Variants in AP2B1 observed in about 807,000 individuals in gnomAD.
The protein encoded by AP2B1 is adaptor related protein complex 2 subunit beta 1.
In AP2B1, 23 loss-of-function variants were observed where a neutral mutation model predicts 102.0. The ratio of observed to expected loss-of-function variants is 0.23; its 90% confidence interval spans 0.16 to 0.32. The LOEUF (loss-of-function observed/expected upper bound fraction) is 0.32, where lower values mean the gene tolerates loss of function less well. Among genes scored for constraint, AP2B1 ranks in the 10% least tolerant of loss-of-function variants. The pLI is 1.00. For synonymous variants in AP2B1, 381 were observed against 421.2 expected, an observed-to-expected ratio of 0.90 and a Z score of 1.17; for missense variants, 541 against 1,157.4, an observed-to-expected ratio of 0.47 and a Z score of 7.73.
chr17:35,680,716 TC>T (rs2075806167), intron 17 of AP2B1, among the ~76,000 whole-genome samples: 3 of 149,484 alleles, frequency 2.0e-5, no homozygotes, highest in African/African-American at 5.0e-5. Flanking sequence ...TTTTTTTTTT[TC>T]AGACAGTCTT....
chr17:35,630,710 A>G (rs1161759147), intron 9 of AP2B1, among the ~76,000 whole-genome samples: 1 of 152,186 alleles, frequency 6.6e-6, no homozygotes, highest in Non-Finnish European at 1.5e-5. Context: ...GGTTCTCCAT[A>G]ATCTTCTGGA....
At chr17:35,720,567 ATATATATTTTTTTTTTTT>A (rs1442893623) in intron 21 of AP2B1, among the ~76,000 whole-genome samples, 1 of 52,344 alleles carries the variant, frequency 1.9e-5, no homozygotes, top group African/African-American at 7.5e-5. Context: ...ATATATATAT[ATATATATTTTTTTTTTTT>A]TTTTTTTTTT....
chr17:35,694,102 T>C (rs2076092614), intron 18 of AP2B1, among the ~76,000 whole-genome samples: 1 of 152,264 alleles, frequency 6.6e-6, no homozygotes, highest in Admixed American at 6.5e-5. Context: ...CTGCCTATTA[T>C]TACTGAAGTT....
At chr17:35,720,545 T>A (rs587773352) in intron 21 of AP2B1, among the ~76,000 whole-genome samples, 1,798 of 53,188 alleles carry the variant, frequency 0.034, 78 homozygotes, top group Middle Eastern at 0.1. Context: ...TTTATTTTAT[T>A]TATATATATA....
chr17:35,627,156 T>C (rs2074336870), intron 7 of AP2B1, among the ~76,000 whole-genome samples: 1 of 150,678 alleles, frequency 6.6e-6, no homozygotes, highest in Non-Finnish European at 1.5e-5. Context: ...CAGTTCTTCA[T>C]GGCAACATGT....
chr17:35,610,518 T>G (rs1419940765), intron 5 of AP2B1, among the ~76,000 whole-genome samples: 1 of 152,086 alleles, frequency 6.6e-6, no homozygotes, highest in East Asian at 1.9e-4. Context: ...ATCCTAGCAC[T>G]TTGGGAGGCT....
At chr17:35,684,385 T>C (rs2075887921) in intron 18 of AP2B1, among the ~76,000 whole-genome samples, 1 of 152,216 alleles carries the variant, frequency 6.6e-6, no homozygotes, top group African/African-American at 2.4e-5. Flanking sequence ...TTGTTTAATC[T>C]AGAAATACCT....
rs1333575579 is a variant in AP2B1 at position 35,605,209 on chromosome 17, GTTTCT to G, written c.144-480_144-476del. On this transcript the variant is annotated intron_variant, in intron 3 of 21. Coordinates refer to ENST00000610402, the MANE Select transcript of AP2B1 (RefSeq NM_001030006.2). Reference sequence around the variant, plus strand: ...CCTGAGCCACCATGTCTGGCCTACAGTTTCTTTTCTTTTCTTTTCTCTTTTCTTTT... The same window carrying G: ...CCTGAGCCACCATGTCTGGCCTACAGTTTCTTTTCTTTTCTCTTTTCTTTT... 1.5e-4 allele frequency among the ~76,000 whole-genome samples: 23 copies of G among 151,142 alleles called. No individual in the cohort carries two copies. The South Asian group carries it at 3.0e-3, about 19-fold the overall frequency.
At chr17:35,641,051 C>T (rs2074765311) in intron 11 of AP2B1, among the ~76,000 whole-genome samples, 1 of 152,146 alleles carries the variant, frequency 6.6e-6, no homozygotes, top group Non-Finnish European at 1.5e-5. Context: ...TCTACTATAG[C>T]AATTTTAATA....
At chr17:35,640,763 C>A (rs2074756581) in intron 11 of AP2B1, among the ~76,000 whole-genome samples, 1 of 152,220 alleles carries the variant, frequency 6.6e-6, no homozygotes, top group African/African-American at 2.4e-5. Flanking sequence ...ACATTGACAA[C>A]CACTGGCTTA....
chr17:35,640,232 T>TTC, intron 11 of AP2B1, among the ~76,000 whole-genome samples: 1 of 26,244 alleles, frequency 3.8e-5, no homozygotes, highest in African/African-American at 3.1e-4. Context: ...TACTGATTTT[T>TTC]TTTTTTTTTT....
rs186117913 is a variant in AP2B1, at chr17:35,631,401, T to C, written c.1155+3675T>C. Among the ~76,000 whole-genome samples, 1,291 of 152,284 alleles carry C rather than the reference T, an allele frequency of 8.5e-3. 11 individuals carry two copies. Among genetic ancestry groups the C allele is most frequent in the African/African-American group, 0.026 (1,067 of 41,570 alleles). ...TTAAACAAAAAATGGGGTACCCCGC[T>C]TTCCCCATCTTCTGTTTCACTCTCT... On this transcript the variant is annotated intron_variant, in intron 9 of 21. Transcript: ENST00000610402.
At chr17:35,638,658 G>A (rs888877351) in intron 10 of AP2B1, among the ~76,000 whole-genome samples, 26 of 151,836 alleles carry the variant, frequency 1.7e-4, no homozygotes, top group African/African-American at 5.8e-4. Context: ...GCGTGGTGGC[G>A]GGCACCTGTA....
At chr17:35,672,668 C>A (rs964294444) in intron 16 of AP2B1, among the ~76,000 whole-genome samples, 1 of 152,144 alleles carries the variant, frequency 6.6e-6, no homozygotes, top group Non-Finnish European at 1.5e-5. Flanking sequence ...CGAAGATATT[C>A]AAAATTGAGC....
In AP2B1 at chr17:35,626,644, G is replaced by A; in HGVS notation, c.740G>A (p.Arg247Gln). The stretch of plus-strand genomic sequence containing the variant: ...AGCATCTGTGAGCGGGTAACTCCCC[G>A]GCTATCCCATGCCAACTCAGCAGTG... ...AQSICERVTP[R>Q]LSHANSAVVL... Residue 247 changes from arginine to glutamine, a missense_variant, in exon 7 of 22, where the codon CGG becomes CAG. Physicochemically the swap from Arg to Gln is conservative, Grantham distance 43 (BLOSUM62 1). Around this residue, in one of 10 missense-constraint regions of AP2B1, gnomAD observed 134 missense variants for 250.2 expected, o/e 0.54. Coordinates refer to ENST00000610402, the MANE Select transcript of AP2B1 (RefSeq NM_001030006.2). 1 of 1,612,402 alleles carries A rather than the reference G, an allele frequency of 6.2e-7. No homozygotes were observed. The highest frequency in any genetic ancestry group is 8.5e-7 in the Non-Finnish European group (1 of 1,179,550).
chr17:35,605,662 A>C (rs373478512), intron 3 of AP2B1, 43 bp from the exon 4 acceptor site: 384 of 1,472,064 alleles, frequency 2.6e-4, no homozygotes, highest in Non-Finnish European at 3.4e-4. Flanking sequence ...CTTGGCACCA[A>C]CACCTGCTTA....
chr17:35,616,458 G>A (rs1311558338), intron 5 of AP2B1, among the ~76,000 whole-genome samples: 4 of 151,978 alleles, frequency 2.6e-5, no homozygotes, highest in African/African-American at 4.8e-5. Flanking sequence ...ATGAGCCACC[G>A]CGCCCTGCCA....
Position 35,724,300 on chromosome 17 carries a change from C to T in AP2B1, c.*601C>T, listed in dbSNP as rs782757398. 6.6e-6 allele frequency: 1 copy of T among 152,206 alleles called. No individual in the cohort carries two copies. Among genetic ancestry groups the T allele is most frequent in the Non-Finnish European group, 1.5e-5 (1 of 68,096 alleles). 9.4% of individuals were successfully genotyped at this position (152,206 alleles called of 1,614,324 possible). ...CAGTTTGCTTTTTTCTTTTTTTCCC[C>T]TCCAAACTCCTTTTCCTTGGCCAAG... is the stretch of plus-strand genomic sequence containing the variant. On this transcript the variant is annotated 3_prime_UTR_variant, in exon 22 of 22. Coordinates refer to ENST00000610402, the MANE Select transcript of AP2B1 (RefSeq NM_001030006.2).
intron 10 of AP2B1, among the ~76,000 whole-genome samples, chr17:35,638,412 A>G (rs2074670657): frequency 1.3e-5 from 2 of 152,352 alleles, no homozygotes; most frequent in African/African-American, 2.4e-5. Flanking sequence ...AGCTGTAGAT[A>G]TGTAAAAATA....
Sources: allele counts gnomAD v4.1 joint callset (sites outside exome capture counted in the v4.1 genomes callset), GRCh38; gene constraint gnomAD v4.1.1; regional missense constraint gnomAD v4.1.1; transcripts MANE v1.5; gene names NCBI Gene and HGNC (gene_info 2026-07-23, HGNC 2026-07-21).